VPS13B: variants seen among roughly 807,000 people sequenced by gnomAD.
VPS13B encodes intermembrane lipid transfer protein VPS13B.
Under a neutral mutation model 426.4 loss-of-function variants are expected in VPS13B, and 285 were observed. The ratio of observed to expected loss-of-function variants is 0.67; its 90% CI spans 0.61 to 0.74. The LOEUF (loss-of-function observed/expected upper bound fraction) is 0.74, where lower values mean the gene tolerates loss of function less well. VPS13B is among the 30% of genes least tolerant of loss of function. The probability of loss-of-function intolerance (pLI) is 0.00; values close to 1 mark genes in which losing one functional copy is unlikely to be tolerated. For missense variants in VPS13B, 4,537 were observed against 4,782.6 expected (o/e 0.95, Z 1.51); for synonymous variants, 1,676 against 1,676.4 (o/e 1.00, Z 0.01).
intron 27 of VPS13B, among the ~76,000 whole-genome samples, chr8:99,503,428 A>G (rs1327016190): frequency 1.3e-5 from 2 of 152,108 alleles, no homozygotes; most frequent in South Asian, 2.1e-4. Context: ...TGCCACATGG[A>G]TTGAATCTTT....
chr8:99,333,040 A>C (rs1810628389), intron 19 of VPS13B, among the ~76,000 whole-genome samples: 3 of 151,776 alleles, frequency 2.0e-5, no homozygotes, highest in African/African-American at 7.2e-5. Context: ...TGTAAGTATC[A>C]GAAGTCTTTT....
intron 54 of VPS13B, among the ~76,000 whole-genome samples, chr8:99,837,527 C>T (rs1815457892): frequency 6.6e-6 from 1 of 152,130 alleles, no homozygotes; most frequent in Non-Finnish European, 1.5e-5. Flanking sequence ...TGGGGATTCC[C>T]ATTCACTCTA....
intron 2 of VPS13B, among the ~76,000 whole-genome samples, chr8:99,020,015 G>T (rs375447075): frequency 1.3e-5 from 2 of 152,158 alleles, no homozygotes; most frequent in African/African-American, 4.8e-5. Flanking sequence ...GCTAGATCAC[G>T]TGATAATTCT....
chr8:99,155,719 G>A (rs1219774222), intron 14 of VPS13B, among the ~76,000 whole-genome samples: 3 of 152,080 alleles, frequency 2.0e-5, no homozygotes, highest in Non-Finnish European at 2.9e-5. Context: ...TTATTATGTA[G>A]CATTTACCAT....
chr8:99,826,727 AGTT>A (rs1230917953), intron 51 of VPS13B, among the ~76,000 whole-genome samples: 1 of 152,166 alleles, frequency 6.6e-6, no homozygotes, highest in Admixed American at 6.5e-5. Context: ...AGCTCTTATT[AGTT>A]TGAGATATGT....
chr8:99,533,909 C>T lies in VPS13B; in HGVS notation c.4745+12899C>T, dbSNP rs564359052. Among the ~76,000 whole-genome samples the T allele has an allele frequency of 2.0e-5, 3 of 152,314 alleles. No homozygotes were observed. In the South Asian group the frequency reaches 6.2e-4, roughly 32 times the overall value. On this transcript the variant is annotated intron_variant, in intron 30 of 61. Transcript: ENST00000357162. ...CAAATCCCCACAAAACTGTTTCCTC[C>T]TTCCTCCTCCCAACTTTTAATTTCT...
chr8:99,331,679 A>G (rs1441440260), intron 19 of VPS13B, among the ~76,000 whole-genome samples: 1 of 151,722 alleles, frequency 6.6e-6, no homozygotes, highest in African/African-American at 2.4e-5. Flanking sequence ...AATACAGTAA[A>G]CTTCTTAGTA....
At chr8:99,319,803 A>C (rs1809876642) in intron 19 of VPS13B, among the ~76,000 whole-genome samples, 1 of 152,286 alleles carries the variant, frequency 6.6e-6, no homozygotes, top group Middle Eastern at 3.4e-3. Flanking sequence ...TCGACCTTTT[A>C]CAGTCTTAGT....
At position 99,557,253 on chromosome 8, in the gene VPS13B, A is replaced by G. The variant is rs563641852; in HGVS notation, c.4949+600A>G. On this transcript the variant is annotated intron_variant, in intron 31 of 61. Transcript: ENST00000357162. Reference sequence around the variant, plus strand: ...TACACCCATCACCTGAGTAGTATACACTGAGTCCAATATGTAGTCTTTTAT... The same window carrying G: ...TACACCCATCACCTGAGTAGTATACGCTGAGTCCAATATGTAGTCTTTTAT... 3.9e-5 allele frequency among the ~76,000 whole-genome samples: 6 copies of G among 152,184 alleles called. No homozygotes were observed. In the South Asian group the frequency reaches 1.2e-3, roughly 32 times the overall value.
At chr8:99,489,903 C>A (rs1456625169) in intron 25 of VPS13B, among the ~76,000 whole-genome samples, 4 of 152,160 alleles carry the variant, frequency 2.6e-5, no homozygotes, top group African/African-American at 7.2e-5. Context: ...ATTTCTTTCT[C>A]CTGCCTGATT....
At position 99,868,402 on chromosome 8, in the gene VPS13B, A is replaced by T; in HGVS notation, c.11329A>T (p.Ile3777Phe). Residue 3777 changes from isoleucine (I) to phenylalanine (F), a missense_variant, in exon 59 of 62, where the codon ATC (isoleucine) becomes TTC (phenylalanine). Physicochemically the swap from Ile to Phe is conservative, Grantham distance 21. Around this residue, in one of 2 missense-constraint regions of VPS13B, gnomAD observed 4,311 missense variants for 4,474.3 expected, o/e 0.96. Coordinates refer to ENST00000357162, the MANE Select transcript of VPS13B (RefSeq NM_152564.5). ...KGVISGVGKGIMGVFTKPIGG... is the reference protein window; with the variant it reads ...KGVISGVGKGFMGVFTKPIGG... ...TGTCATCTCGGGTGTGGGGAAAGGA[A>T]TCATGGGGGTGTTCACAAAGCCCAT... 1 of 1,614,138 alleles carries T rather than the reference A, an allele frequency of 6.2e-7. No homozygotes were observed. The highest frequency in any genetic ancestry group is 8.5e-7 in the Non-Finnish European group (1 of 1,180,028).
In VPS13B at chr8:99,418,979, G is replaced by C. The variant is rs533001275; in HGVS notation, c.3083-12558G>C. ...CTACTGAACCATTTCTCTCGCAAAG[G>C]CCTTGCCACTTTTTTCTCATTATCT... On this transcript the variant is annotated intron_variant, in intron 21 of 61. Transcript: ENST00000357162. Among the ~76,000 whole-genome samples the C allele has an allele frequency of 2.6e-3, 396 of 152,218 alleles. 3 individuals carry two copies. Among genetic ancestry groups the C allele is most frequent in the African/African-American group, 9.2e-3 (382 of 41,534 alleles).
intron 44 of VPS13B, 21 bp downstream of exon 44, chr8:99,809,551 G>T: frequency 6.2e-7 from 1 of 1,613,704 alleles, no homozygotes; most frequent in South Asian, 1.1e-5. Context: ...TTGTGTTCAT[G>T]ACCCAGACAC....
chr8:99,321,946 A>T (rs1810008670), intron 19 of VPS13B, among the ~76,000 whole-genome samples: 1 of 152,206 alleles, frequency 6.6e-6, no homozygotes, highest in Non-Finnish European at 1.5e-5. Context: ...AGTTGTATCA[A>T]AATGTAAATT....
At chr8:99,403,927 C>T (rs1360381395) in intron 21 of VPS13B, among the ~76,000 whole-genome samples, 1 of 152,156 alleles carries the variant, frequency 6.6e-6, no homozygotes, top group Non-Finnish European at 1.5e-5. Context: ...AAGGAAAAGA[C>T]ATGAGATGCA....
intron 19 of VPS13B, among the ~76,000 whole-genome samples, chr8:99,378,547 T>C (rs923555935): frequency 1.3e-5 from 2 of 152,168 alleles, no homozygotes; most frequent in Non-Finnish European, 2.9e-5. Flanking sequence ...TGTTCAGAGA[T>C]TGCAGTAAAG....
Position 99,871,097 on chromosome 8 carries a change from C to A in VPS13B, c.11495+210C>A, listed in dbSNP as rs1024616169. On this transcript the variant is annotated intron_variant, in intron 60 of 61. Coordinates refer to ENST00000357162, the MANE Select transcript of VPS13B (RefSeq NM_152564.5). ...GGGCTGGCTGCACAACTCCTCTGTT[C>A]CGTACCTAACCACTCAAGGAAGGTC... The A allele has an allele frequency of 3.9e-5, 24 of 619,988 alleles. No homozygotes were observed. In the East Asian group the frequency reaches 4.0e-4, roughly 10 times the overall value. The allele number at this position is 619,988 out of a possible 1,614,324, so 38.4% of individuals were successfully genotyped here. A position where few individuals can be genotyped will look rare whatever the true frequency, so the allele number is the denominator to read the frequency against.
At chr8:99,315,757 C>G (rs1052616035) in intron 19 of VPS13B, among the ~76,000 whole-genome samples, 2 of 152,108 alleles carry the variant, frequency 1.3e-5, no homozygotes, top group African/African-American at 4.8e-5. Flanking sequence ...CTGCCTCAGC[C>G]TCCCGAGTAG....
rs907950746 is a variant in VPS13B, at chr8:99,555,530, A to G, written c.4746-920A>G. Among the ~76,000 whole-genome samples, 17 of 152,202 alleles carry G rather than the reference A, an allele frequency of 1.1e-4. No individual in the cohort carries two copies. In the South Asian group the frequency reaches 1.5e-3, roughly 13 times the overall value. On this transcript the variant is annotated intron_variant, in intron 30 of 61. Coordinates refer to ENST00000357162, the MANE Select transcript of VPS13B (RefSeq NM_152564.5). Reference sequence around the variant, plus strand: ...AACTTTTCTTCTGATAAAAACTTTTATGGGGGCCAAAAGCTATTTTTTCTT... The same window carrying G: ...AACTTTTCTTCTGATAAAAACTTTTGTGGGGGCCAAAAGCTATTTTTTCTT...
Sources: allele counts gnomAD v4.1 joint callset (sites outside exome capture counted in the v4.1 genomes callset), GRCh38; gene constraint gnomAD v4.1.1; regional missense constraint gnomAD v4.1.1; transcripts MANE v1.5; gene names NCBI Gene and HGNC (gene_info 2026-07-23, HGNC 2026-07-21).